The following CCKAR variants were observed in gnomAD, a reference collection of about 807,000 sequenced individuals.
CCKAR encodes cholecystokinin receptor type A.
In CCKAR, 21 loss-of-function variants were observed where a neutral mutation model predicts 29.8. The ratio of observed to expected loss-of-function variants is 0.70; its 90% CI spans 0.50 to 1.01. The LOEUF is 1.01. Among genes scored for constraint, CCKAR ranks in the 50% least tolerant of loss-of-function variants. CCKAR has a pLI of 0.00. For missense variants in CCKAR, 570 were observed against 560.6 expected, an observed-to-expected ratio of 1.02 and a Z score of -0.17; for synonymous variants, 238 against 221.3, an observed-to-expected ratio of 1.08 and a Z score of -0.67.
At chr4:26,485,987 G>A in intron 2 of CCKAR, 89 bp from the exon 3 acceptor site, 2 of 1,152,594 alleles carry the variant, frequency 1.7e-6, no homozygotes, top group Non-Finnish European at 2.4e-6. Flanking sequence ...ATCTGCACAG[G>A]TTTGATATCA....
chr4:26,486,358 G>C (rs562779886), intron 2 of CCKAR, among the ~76,000 whole-genome samples: 1 of 152,196 alleles, frequency 6.6e-6, no homozygotes, highest in African/African-American at 2.4e-5. Context: ...TGTGATGTGA[G>C]CCGGAGGCAT....
chr4:26,483,166 C>A lies in CCKAR; in HGVS notation c.744G>T (p.Lys248Asn). The change falls in exon 4 of 5, where the codon AAG becomes AAT. Residue 248 changes from lysine (K) to asparagine (N), a missense_variant. By Grantham distance (94) the Lys-to-Asn change is moderately conservative. Coordinates refer to ENST00000295589, the MANE Select transcript of CCKAR (RefSeq NM_000730.3). ...QGIKFEASQK[K>N]SAKERKPSTT... is the part of the protein sequence containing the mutation. ...CTACAAGATAGTTACCTTTAGCAGA[C>A]TTCTTCTGGCTAGCCTCAAATTTTA... 6.2e-7 allele frequency: 1 copy of A among 1,613,092 alleles called. No homozygotes were observed. Among genetic ancestry groups the A allele is most frequent in the Non-Finnish European group, 8.5e-7 (1 of 1,179,748 alleles).
chr4:26,481,583 T>C lies in CCKAR; in HGVS notation c.*55A>G. On this transcript the variant is annotated 3_prime_UTR_variant, in exon 5 of 5. Coordinates refer to ENST00000295589, the MANE Select transcript of CCKAR (RefSeq NM_000730.3). ...CTCTTCCTGATCTCTTCTTCCGTTC[T>C]TTCTTCTCTGCCTCCTCCCTGCCTT... 5 of 1,587,076 alleles carry C rather than the reference T, an allele frequency of 3.2e-6. No homozygotes were observed. Among genetic ancestry groups the C allele is most frequent in the Non-Finnish European group, 4.3e-6 (5 of 1,156,288 alleles).
chr4:26,486,103 G>A (rs898561514), intron 2 of CCKAR, among the ~76,000 whole-genome samples: 2 of 152,172 alleles, frequency 1.3e-5, no homozygotes, highest in African/African-American at 4.8e-5. Flanking sequence ...TAAAGAAATG[G>A]CTTTGTAAAT....
chr4:26,490,440 CCTCA>C lies in CCKAR; in HGVS notation c.-177_-174del, dbSNP rs1327703349. On this transcript the variant is annotated 5_prime_UTR_variant, in exon 1 of 5. Transcript: ENST00000295589. ...CATTCCTAAAGGCGACTTGAGTTCA[CCTCA>C]CTCACTCCAGCATTTGTACTCCTGT... 1 of 568,390 alleles carries C rather than the reference CCTCA, an allele frequency of 1.8e-6. No individual in the cohort carries two copies. The highest frequency in any genetic ancestry group is 3.2e-6 in the Non-Finnish European group (1 of 311,732). 35.2% of individuals were successfully genotyped at this position (568,390 alleles called of 1,614,324 possible).
chr4:26,488,103 A>G (rs557834061), intron 2 of CCKAR, among the ~76,000 whole-genome samples: 5 of 152,272 alleles, frequency 3.3e-5, no homozygotes, highest in Non-Finnish European at 7.4e-5. Context: ...AGTTCTGCAT[A>G]TTCTGCAAGG....
At position 26,488,853 on chromosome 4, in the gene CCKAR, A is replaced by G. The variant is rs180979638; in HGVS notation, c.364+380T>C. 5.8e-3 allele frequency among the ~76,000 whole-genome samples: 881 copies of G among 152,340 alleles called. 10 individuals are homozygous for G. Among genetic ancestry groups the G allele is most frequent in the African/African-American group, 0.02 (827 of 41,584 alleles). ...AGAAGCCAGGACTCAAGTTGTGTAT[A>G]GATCAGGACACAGTCAACAGCTTCC... is the stretch of plus-strand genomic sequence containing the variant. On this transcript the variant is annotated intron_variant, in intron 2 of 4. Transcript: ENST00000295589.
At chr4:26,484,490 C>G (rs1737409421) in intron 3 of CCKAR, among the ~76,000 whole-genome samples, 1 of 152,152 alleles carries the variant, frequency 6.6e-6, no homozygotes, top group Non-Finnish European at 1.5e-5. Flanking sequence ...ACATACTCTC[C>G]TTGGTATCTT....
rs371765180 is a variant in CCKAR at position 26,482,081 on chromosome 4, G to T, written c.844C>A (p.Leu282Ile). Residue 282 changes from leucine (L) to isoleucine (I), a missense_variant, in exon 5 of 5, where the codon CTC (leucine) becomes ATC (isoleucine). Physicochemically the swap from Leu to Ile is conservative, Grantham distance 5 (BLOSUM62 2). Transcript: ENST00000295589. ...QKTRPPRKLE[L>I]RQLSTGSSSR... is the part of the protein sequence containing the mutation. ...CTGCTGCCGGTGGACAGCTGCCGGA[G>T]CTCCAGCTTCCTCGGGGGCCTGGTC... 1.9e-6 allele frequency: 3 copies of T among 1,614,228 alleles called. No individual in the cohort carries two copies. The highest frequency in any genetic ancestry group is 2.5e-6 in the Non-Finnish European group (3 of 1,180,054).
intron 2 of CCKAR, 150 bp from the exon 3 acceptor site, chr4:26,486,048 A>C: frequency 1.4e-6 from 1 of 713,580 alleles, no homozygotes; most frequent in Non-Finnish European, 2.2e-6. Context: ...TATTTTTAAA[A>C]GATGATTTAT....
chr4:26,483,103 A>C (rs1737383836), intron 4 of CCKAR, 53 bp downstream of exon 4: 3 of 1,585,614 alleles, frequency 1.9e-6, no homozygotes, highest in Non-Finnish European at 2.6e-6. Context: ...TAAATGATAG[A>C]AAACAAGCTT....
intron 3 of CCKAR, among the ~76,000 whole-genome samples, chr4:26,485,250 G>T (rs1284297012): frequency 6.6e-6 from 1 of 151,160 alleles, no homozygotes; most frequent in Non-Finnish European, 1.5e-5. Context: ...CAATTAATCA[G>T]CCTAACCCTC....
At chr4:26,483,053 T>A in intron 4 of CCKAR, 103 bp downstream of exon 4, 2 of 1,211,396 alleles carry the variant, frequency 1.7e-6, no homozygotes, top group Non-Finnish European at 2.3e-6. Context: ...ACTTAAAAGC[T>A]TTTCCAACAA....
intron 1 of CCKAR, 124 bp from the exon 2 acceptor site, chr4:26,489,608 G>C (rs572131677): frequency 2.0e-6 from 2 of 1,018,160 alleles, no homozygotes; most frequent in Non-Finnish European, 1.4e-6. Context: ...CTGGACCCAC[G>C]ATTCCTGTCC....
rs1187070078 is a variant in CCKAR, at chr4:26,481,555, C to T, written c.*83G>A. ...CCTTCCTTCTCCATCAGCTCTGCTC[C>T]TTCTCTTCCTGATCTCTTCTTCCGT... On this transcript the variant is annotated 3_prime_UTR_variant, in exon 5 of 5. Transcript: ENST00000295589. The T allele has an allele frequency of 6.1e-6, 9 of 1,466,450 alleles. No individual in the cohort carries two copies. The highest frequency in any genetic ancestry group is 2.8e-5 in the African/African-American group (2 of 72,056). 90.8% of individuals were successfully genotyped at this position (1,466,450 alleles called of 1,614,324 possible). A position where few individuals can be genotyped will look rare whatever the true frequency, so the allele number is the denominator to read the frequency against.
rs1165651887 is a variant in CCKAR at position 26,489,340 on chromosome 4, C to T, written c.257G>A (p.Ser86Asn). Residue 86 changes from serine to asparagine, a missense_variant, in exon 2 of 5, where the codon AGC (serine) becomes AAC (asparagine). By Grantham distance (46) the Ser-to-Asn change is conservative (BLOSUM62 1). Coordinates refer to ENST00000295589, the MANE Select transcript of CCKAR (RefSeq NM_000730.3). Reference sequence around the variant, plus strand: ...GCAGAAGAGACAGAGCATGAGGTCGCTGACAGCCAGGGAGAGGAGGAAGAT... The same window carrying T: ...GCAGAAGAGACAGAGCATGAGGTCGTTGACAGCCAGGGAGAGGAGGAAGAT... ...TNIFLLSLAV[S>N]DLMLCLFCMP... 6.2e-7 allele frequency: 1 copy of T among 1,614,176 alleles called. No individual in the cohort carries two copies. Among genetic ancestry groups the T allele is most frequent in the Admixed American group, 1.7e-5 (1 of 60,012 alleles).
intron 3 of CCKAR, among the ~76,000 whole-genome samples, chr4:26,485,204 AAAAAAG>A (rs1737425554): frequency 6.6e-6 from 1 of 151,766 alleles, no homozygotes; most frequent in African/African-American, 2.4e-5. Context: ...CAAAAAAAAA[AAAAAAG>A]AAAGAAAAAG....
At chr4:26,483,329 C>T (rs1335719588) in intron 3 of CCKAR, 46 bp from the exon 4 acceptor site, 3 of 1,597,736 alleles carry the variant, frequency 1.9e-6, no homozygotes, top group Admixed American at 1.7e-5. Context: ...TTTAGACCTT[C>T]AAACTCAAAT....
rs758484210 is a variant in CCKAR, at chr4:26,481,833, G to A, written c.1092C>T (p.Cys364=). ...FILLLSYTSS[C]VNPIIYCFMN... is the part of the protein sequence containing the mutation. ...TGAAGCAGTAGATGATGGGGTTGAC[G>A]CAGGAGGAGGTGTAGGACAGGAGGA... Residue 364 remains cysteine (C), a synonymous_variant, in exon 5 of 5, where the codon TGC becomes TGT. Coordinates refer to ENST00000295589, the MANE Select transcript of CCKAR (RefSeq NM_000730.3). The A allele has an allele frequency of 3.3e-5, 53 of 1,613,626 alleles. 1 individual carries two copies. The highest frequency in any genetic ancestry group is 1.8e-4 in the South Asian group (16 of 91,032).
Sources: allele counts gnomAD v4.1 joint callset (sites outside exome capture counted in the v4.1 genomes callset), GRCh38; gene constraint gnomAD v4.1.1; transcripts MANE v1.5; gene names NCBI Gene and HGNC (gene_info 2026-07-23, HGNC 2026-07-21).